Variants in ELF1 observed in about 807,000 individuals in gnomAD.
ELF1 encodes ETS-related transcription factor Elf-1.
Under a neutral mutation model 59.9 loss-of-function variants are expected in ELF1, and 24 were observed. That is an observed-to-expected ratio of 0.40 (90% CI 0.29 to 0.56). The LOEUF (loss-of-function observed/expected upper bound fraction) is 0.56. Ranked by LOEUF, ELF1 falls within the 20% of genes least tolerant of loss-of-function variation. ELF1 has a pLI of 0.44. For synonymous variants in ELF1, 248 were observed against 266.2 expected, an observed-to-expected ratio of 0.93 and a Z score of 0.67; for missense variants, 627 against 742.2, an observed-to-expected ratio of 0.84 and a Z score of 1.80.
intron 3 of ELF1, among the ~76,000 whole-genome samples, chr13:40,958,529 TA>T (rs1330252980): frequency 1.2e-3 from 167 of 141,184 alleles, no homozygotes; most frequent in East Asian, 4.1e-3. Context: ...CTCCATCTCT[TA>T]AAAAAAAAAA....
chr13:41,026,024 T>C (rs991659420), intron 1 of ELF1, among the ~76,000 whole-genome samples: 2 of 152,200 alleles, frequency 1.3e-5, no homozygotes, highest in African/African-American at 4.8e-5. Context: ...CCTAGACCTA[T>C]GTTCACAGGG....
At chr13:41,048,408 A>G (rs1169820980) in intron 1 of ELF1, among the ~76,000 whole-genome samples, 2 of 152,070 alleles carry the variant, frequency 1.3e-5, no homozygotes, top group Non-Finnish European at 2.9e-5. Context: ...TTATTTGGCC[A>G]TCTTGGAACT....
At chr13:40,980,215 T>TA (rs897246271) in intron 2 of ELF1, among the ~76,000 whole-genome samples, 3 of 152,232 alleles carry the variant, frequency 2.0e-5, no homozygotes, top group African/African-American at 7.2e-5. Flanking sequence ...GTGGCTCTAC[T>TA]ATTTACTGGC....
At chr13:41,026,324 CCTTT>C (rs1195811453) in intron 1 of ELF1, among the ~76,000 whole-genome samples, 1 of 152,160 alleles carries the variant, frequency 6.6e-6, no homozygotes, top group African/African-American at 2.4e-5. Context: ...ACACTTAACT[CCTTT>C]ATTTAGATTT....
chr13:40,933,427 A>G lies in ELF1; in HGVS notation c.1858T>C (p.Ter620GlnextTer7). The change falls in exon 9 of 9, where the codon TAG (stop) becomes CAG (glutamine). Residue 620 changes from the stop codon to glutamine (Q), a stop_lost. Transcript: ENST00000239882. ...ATTCATAAGCTTTGGTATATTAACT[A>G]AAAAGAGTTGGGTTCCAGCAGTTCG... ...QNELLEPNSF[*>Q] 1 of 1,608,474 alleles carries G rather than the reference A, an allele frequency of 6.2e-7. No individual in the cohort carries two copies. Among genetic ancestry groups the G allele is most frequent in the Non-Finnish European group, 8.5e-7 (1 of 1,177,446 alleles).
At chr13:40,958,751 C>A (rs979059463) in intron 3 of ELF1, 85 bp downstream of exon 3, 1 of 1,455,694 alleles carries the variant, frequency 6.9e-7, no homozygotes, top group African/African-American at 1.4e-5. Flanking sequence ...AAGTTAGGGG[C>A]GTTTTATGCC....
At chr13:41,013,684 ATATT>A (rs1022813161) in intron 1 of ELF1, among the ~76,000 whole-genome samples, 1 of 152,002 alleles carries the variant, frequency 6.6e-6, no homozygotes, top group Non-Finnish European at 1.5e-5. Flanking sequence ...AAAATACAAA[ATATT>A]TACCCATGTT....
Position 40,959,225 on chromosome 13 carries a change from G to A in ELF1, c.73-209C>T, listed in dbSNP as rs189721507. On this transcript the variant is annotated intron_variant, in intron 2 of 8. Coordinates refer to ENST00000239882, the MANE Select transcript of ELF1 (RefSeq NM_172373.4). ...AAATTTAAAAATGAAGGCTGGGCGC[G>A]GTGACTCACACCTGTAATCCCAGCA... 1.1e-4 allele frequency among the ~76,000 whole-genome samples: 16 copies of A among 152,146 alleles called. No individual in the cohort carries two copies. In the East Asian group the frequency reaches 2.5e-3, roughly 24 times the overall value.
At chr13:41,016,100 A>C (rs892226441) in intron 1 of ELF1, among the ~76,000 whole-genome samples, 11 of 152,116 alleles carry the variant, frequency 7.2e-5, no homozygotes, top group African/African-American at 2.4e-4. Context: ...TCTGAATCTG[A>C]ATTTACCTAG....
At chr13:41,045,932 G>A (rs961943204) in intron 1 of ELF1, among the ~76,000 whole-genome samples, 4 of 152,096 alleles carry the variant, frequency 2.6e-5, no homozygotes, top group Non-Finnish European at 5.9e-5. Flanking sequence ...TCTCTCTATA[G>A]GTCTCTAAGG....
At position 40,937,988 on chromosome 13, in the gene ELF1, TG is replaced by T. The variant is rs1286037698; in HGVS notation, c.1256+2932del. 7.2e-5 allele frequency among the ~76,000 whole-genome samples: 11 copies of T among 152,062 alleles called. No individual in the cohort carries two copies. The East Asian group carries it at 1.9e-3, about 27-fold the overall frequency. On this transcript the variant is annotated intron_variant, in intron 8 of 8. Transcript: ENST00000239882. ...CCTGCCACCATACCCAGCTAATTTTTGTATTTTTAGTAGAGACGGGGTTTTG... is the reference window on the plus strand; with the variant it reads ...CCTGCCACCATACCCAGCTAATTTTTTATTTTTAGTAGAGACGGGGTTTTG...
chr13:41,050,700 G>A (rs182886609), intron 1 of ELF1, among the ~76,000 whole-genome samples: 98 of 152,232 alleles, frequency 6.4e-4, no homozygotes, highest in Non-Finnish European at 1.2e-3. Context: ...ACAGGCACCT[G>A]CCACCACGCC....
At chr13:41,000,822 T>C (rs529890362) in intron 1 of ELF1, among the ~76,000 whole-genome samples, 11 of 152,142 alleles carry the variant, frequency 7.2e-5, no homozygotes, top group African/African-American at 2.7e-4. Flanking sequence ...TATCTCTGCA[T>C]AGATACAAAA....
At position 40,949,797 on chromosome 13, in the gene ELF1, C is replaced by T. The variant is rs1870732597; in HGVS notation, c.529+9G>A. On this transcript the variant is annotated intron_variant, in intron 5 of 8. Coordinates refer to ENST00000239882, the MANE Select transcript of ELF1 (RefSeq NM_172373.4). The stretch of plus-strand genomic sequence containing the variant: ...TGACTATGCGCCCTAAACAAAGTAA[C>T]CCACCTACCTTTTTTCCTCTTAGGC... 1.2e-6 allele frequency: 2 copies of T among 1,613,312 alleles called. No individual in the cohort carries two copies. Among genetic ancestry groups the T allele is most frequent in the East Asian group, 2.2e-5 (1 of 44,868 alleles).
chr13:40,996,906 C>T (rs939798520), intron 1 of ELF1, among the ~76,000 whole-genome samples: 16 of 152,158 alleles, frequency 1.1e-4, no homozygotes, highest in Admixed American at 7.8e-4. Context: ...TTGAAGAAGC[C>T]GAAGTCAGCC....
intron 1 of ELF1, among the ~76,000 whole-genome samples, chr13:41,033,810 GA>G (rs1311519225): frequency 1.3e-5 from 2 of 152,306 alleles, no homozygotes; most frequent in African/African-American, 4.8e-5. Flanking sequence ...AGGGACCACT[GA>G]ATACTATATG....
intron 3 of ELF1, among the ~76,000 whole-genome samples, chr13:40,952,978 C>CTTTT (rs35370228): frequency 1.4e-5 from 2 of 142,042 alleles, no homozygotes; most frequent in South Asian, 2.2e-4. Flanking sequence ...AACAATAAAT[C>CTTTT]TTTTTTTTTT....
chr13:40,974,445 G>A (rs1051066827), intron 2 of ELF1, among the ~76,000 whole-genome samples: 1 of 152,142 alleles, frequency 6.6e-6, no homozygotes, highest in African/African-American at 2.4e-5. Context: ...TGAAATTACA[G>A]GCAAGTTGCT....
chr13:40,986,709 C>T (rs1454451141), intron 1 of ELF1, among the ~76,000 whole-genome samples: 1 of 152,120 alleles, frequency 6.6e-6, no homozygotes, highest in Non-Finnish European at 1.5e-5. Flanking sequence ...AACAAAATGA[C>T]TTCACTGATG....
Sources: allele counts gnomAD v4.1 joint callset (sites outside exome capture counted in the v4.1 genomes callset), GRCh38; gene constraint gnomAD v4.1.1; transcripts MANE v1.5; gene names NCBI Gene and HGNC (gene_info 2026-07-23, HGNC 2026-07-21).